KDM4C: variants seen among roughly 807,000 people sequenced by gnomAD.
The protein encoded by KDM4C is lysine demethylase 4C.
KDM4C carries 81 observed loss-of-function variants against 129.3 expected under a neutral mutation model. The ratio of observed to expected loss-of-function variants is 0.63; its 90% CI spans 0.52 to 0.75. The LOEUF (loss-of-function observed/expected upper bound fraction) is 0.75. Ranked by LOEUF, KDM4C falls within the 30% of genes least tolerant of loss-of-function variation. KDM4C has a pLI of 0.00. For synonymous variants in KDM4C, 573 were observed against 456.1 expected (o/e 1.26, Z -3.26); for missense variants, 1,457 against 1,304.0 (o/e 1.12, Z -1.81).
At chr9:6,917,564 G>C (rs1820546743) in intron 8 of KDM4C, among the ~76,000 whole-genome samples, 1 of 152,142 alleles carries the variant, frequency 6.6e-6, no homozygotes, top group South Asian at 2.1e-4. Flanking sequence ...ACCATGGCTG[G>C]AGATAAGCAT....
At chr9:6,795,339 G>C (rs146795767) in intron 2 of KDM4C, among the ~76,000 whole-genome samples, 98 of 152,176 alleles carry the variant, frequency 6.4e-4, no homozygotes, top group Middle Eastern at 3.4e-3. Flanking sequence ...TTTTGTTGTT[G>C]TTTCTTTTTG....
At chr9:6,936,717 T>C (rs1824860658) in intron 8 of KDM4C, among the ~76,000 whole-genome samples, 1 of 152,304 alleles carries the variant, frequency 6.6e-6, no homozygotes, top group East Asian at 1.9e-4. Context: ...AGGTACATAG[T>C]GTAGTAGGTT....
At chr9:7,014,123 T>C in intron 14 of KDM4C, 122 bp downstream of exon 14, 1 of 705,340 alleles carries the variant, frequency 1.4e-6, no homozygotes, top group Non-Finnish European at 2.4e-6. Context: ...AATGGTTATA[T>C]CATTCTTTTT....
chr9:6,757,964 C>T (rs1264665651), upstream of KDM4C: 2 of 985,274 alleles, frequency 2.0e-6, no homozygotes, highest in Non-Finnish European at 2.4e-6. Context: ...CGCGCGCCCT[C>T]GCGCAGGGAG....
intron 19 of KDM4C, among the ~76,000 whole-genome samples, chr9:7,150,073 C>T (rs940032675): frequency 6.6e-6 from 1 of 152,174 alleles, no homozygotes; most frequent in Non-Finnish European, 1.5e-5. Flanking sequence ...ACTCTGTCTC[C>T]TGTTTGGCTA....
At chr9:6,757,829 C>A (rs1457089983), upstream of KDM4C, 1 of 985,544 alleles carries the variant, frequency 1.0e-6, no homozygotes, top group Non-Finnish European at 1.2e-6. Context: ...AGATGCGCGC[C>A]AGCAAGCCTA....
At chr9:6,794,881 C>T (rs990070249) in intron 2 of KDM4C, among the ~76,000 whole-genome samples, 1 of 152,116 alleles carries the variant, frequency 6.6e-6, no homozygotes, top group African/African-American at 2.4e-5. Context: ...AAGAGAGATC[C>T]ACTATATGAT....
At chr9:6,944,652 G>GTTTTTCTTTT (rs1826558779) in intron 8 of KDM4C, among the ~76,000 whole-genome samples, 1 of 80,990 alleles carries the variant, frequency 1.2e-5, no homozygotes, top group African/African-American at 4.7e-5. Flanking sequence ...CAAGGTAGAG[G>GTTTTTCTTTT]TTTTTTTTTT....
rs187084785 is a variant in KDM4C at position 6,898,778 on chromosome 9, T to A, written c.921+5546T>A. On this transcript the variant is annotated intron_variant, in intron 8 of 21. Coordinates refer to ENST00000381309, the MANE Select transcript of KDM4C (RefSeq NM_015061.6). The stretch of plus-strand genomic sequence containing the variant: ...AAAATTAAGTTAGATATTTCTTAAA[T>A]CTGGTAGCATCCTTCCAGAAAATCT... Among the ~76,000 whole-genome samples, 569 of 152,328 alleles carry A rather than the reference T, an allele frequency of 3.7e-3. 2 individuals are homozygous for A. The highest frequency in any genetic ancestry group is 0.013 in the African/African-American group (521 of 41,586).
At chr9:7,086,366 T>A (rs1835115320) in intron 17 of KDM4C, among the ~76,000 whole-genome samples, 1 of 152,210 alleles carries the variant, frequency 6.6e-6, no homozygotes, top group Non-Finnish European at 1.5e-5. Flanking sequence ...GGAATAGTTA[T>A]TACTCTGTTG....
chr9:6,964,986 G>T (rs12552747), intron 8 of KDM4C, among the ~76,000 whole-genome samples: 1 of 151,454 alleles, frequency 6.6e-6, no homozygotes, highest in Non-Finnish European at 1.5e-5. Context: ...CGTATGCCTA[G>T]ATTTTTCTCC....
At chr9:6,755,340 C>T (rs956511127), upstream of KDM4C, among the ~76,000 whole-genome samples, 7 of 152,336 alleles carry the variant, frequency 4.6e-5, no homozygotes, top group Admixed American at 4.6e-4. Flanking sequence ...CACTGCACTC[C>T]AGCCTGGGCA....
chr9:6,876,542 T>C (rs1027334410), intron 5 of KDM4C, among the ~76,000 whole-genome samples: 26 of 152,220 alleles, frequency 1.7e-4, no homozygotes. Flanking sequence ...TGAAAATATA[T>C]GCACCTTGCT....
At chr9:6,793,943 C>T (rs1412529387) in intron 2 of KDM4C, among the ~76,000 whole-genome samples, 1 of 152,034 alleles carries the variant, frequency 6.6e-6, no homozygotes, top group Non-Finnish European at 1.5e-5. Context: ...TGAGTATATT[C>T]ACAGAATTGT....
chr9:6,928,493 G>C (rs1381828743), intron 8 of KDM4C, among the ~76,000 whole-genome samples: 1 of 152,138 alleles, frequency 6.6e-6, no homozygotes, highest in Non-Finnish European at 1.5e-5. Flanking sequence ...ACTCGGATCT[G>C]TGTATCCTAC....
intron 12 of KDM4C, among the ~76,000 whole-genome samples, chr9:6,994,625 G>T (rs1437784277): frequency 1.3e-5 from 2 of 152,130 alleles, no homozygotes; most frequent in East Asian, 3.9e-4. Context: ...TCAAGAGTGG[G>T]AATGCCCTGG....
chr9:7,099,424 A>G (rs778322033), intron 17 of KDM4C, among the ~76,000 whole-genome samples: 1 of 152,232 alleles, frequency 6.6e-6, no homozygotes, highest in East Asian at 1.9e-4. Context: ...TTAATGGCCT[A>G]TGCCACTGGA....
intron 12 of KDM4C, among the ~76,000 whole-genome samples, chr9:7,000,637 T>A (rs970922078): frequency 1.3e-5 from 2 of 152,210 alleles, no homozygotes; most frequent in Non-Finnish European, 2.9e-5. Flanking sequence ...TAGGTTATAA[T>A]ATATATGAAA....
chr9:6,991,540 T>C (rs1230668020), intron 12 of KDM4C, among the ~76,000 whole-genome samples: 1 of 152,192 alleles, frequency 6.6e-6, no homozygotes, highest in African/African-American at 2.4e-5. Context: ...GGTTTTCTGT[T>C]AAGAGTCCTT....
Sources: gnomAD v4.1 joint callset for allele counts (sites outside exome capture counted in the v4.1 genomes callset) on GRCh38, gnomAD v4.1.1 for gene constraint, MANE v1.5 for transcripts, NCBI Gene and HGNC (gene_info 2026-07-23, HGNC 2026-07-21) for gene names.